AGL: variants seen among roughly 807,000 people sequenced by gnomAD.
AGL encodes amylo-alpha-1,6-glucosidase and 4-alpha-glucanotransferase.
A neutral mutation model predicts 199.3 loss-of-function variants in AGL; 128 were observed. The observed-to-expected ratio is 0.64, with a 90% CI of 0.56 to 0.74. The LOEUF is 0.74. Ranked by LOEUF, AGL falls within the 30% of genes least tolerant of loss-of-function variation. The pLI, the probability that AGL is intolerant of heterozygous loss-of-function variation, is 0.00. For synonymous variants in AGL, 584 were observed against 594.7 expected (o/e 0.98, Z 0.26); for missense variants, 1,809 against 1,820.8 (o/e 0.99, Z 0.12).
intron 33 of AGL, among the ~76,000 whole-genome samples, chr1:99,918,926 C>G (rs1655321650): frequency 6.6e-6 from 1 of 152,178 alleles, no homozygotes; most frequent in South Asian, 2.1e-4. Flanking sequence ...GTTCCTGACG[C>G]TGTATGAGTG....
At chr1:99,910,315 G>T (rs1452932138) in intron 27 of AGL, among the ~76,000 whole-genome samples, 1 of 152,086 alleles carries the variant, frequency 6.6e-6, no homozygotes, top group African/African-American at 2.4e-5. Flanking sequence ...GCTCCATTTT[G>T]ATACATGTAA....
chr1:99,919,864 C>G (rs1655398085), intron 33 of AGL, among the ~76,000 whole-genome samples: 1 of 152,170 alleles, frequency 6.6e-6, no homozygotes, highest in African/African-American at 2.4e-5. Flanking sequence ...TCTAACTACC[C>G]ACTCTGGACC....
chr1:99,908,270 A>C (rs963906863), intron 27 of AGL, among the ~76,000 whole-genome samples: 1 of 151,956 alleles, frequency 6.6e-6, no homozygotes, highest in African/African-American at 2.4e-5. Context: ...AAAAAAATAT[A>C]AACTGTCCCT....
Position 99,913,545 on chromosome 1 carries a change from C to T in AGL, c.3968C>T (p.Ser1323Leu), listed in dbSNP as rs375493401. The T allele has an allele frequency of 3.1e-6, 5 of 1,613,444 alleles. No individual in the cohort carries two copies. The African/African-American group carries it at 6.7e-5, about 22-fold the overall frequency. ...TTTTCAGGAAAGGCTATAAAGGTCTCATATGATGAGTGGAACAGAAAAATA... is the reference window on the plus strand; with the variant it reads ...TTTTCAGGAAAGGCTATAAAGGTCTTATATGATGAGTGGAACAGAAAAATA... ...VKRHGKAIKVSYDEWNRKIQD... is the reference protein window; with the variant it reads ...VKRHGKAIKVLYDEWNRKIQD... The change falls in exon 30 of 34, where the codon TCA (serine) becomes TTA (leucine). Residue 1323 changes from serine (S) to leucine (L), a missense_variant. By Grantham distance (145) the Ser-to-Leu change is moderately radical. Coordinates refer to ENST00000361915, the MANE Select transcript of AGL (RefSeq NM_000642.3).
At chr1:99,906,671 A>G (rs1161804726) in intron 27 of AGL, among the ~76,000 whole-genome samples, 1 of 152,146 alleles carries the variant, frequency 6.6e-6, no homozygotes, top group East Asian at 1.9e-4. Context: ...CACTTAGCAT[A>G]ATGCCAAGGT....
At chr1:99,884,072 G>T in intron 17 of AGL, 48 bp from the exon 18 acceptor site, 1 of 1,515,700 alleles carries the variant, frequency 6.6e-7, no homozygotes, top group Non-Finnish European at 9.1e-7. Flanking sequence ...TCCTAATTTT[G>T]GATGATTCCA....
Position 99,891,589 on chromosome 1 carries a change from A to T in AGL, c.2950-17A>T, listed in dbSNP as rs1652903911. Reference sequence around the variant, plus strand: ...GTACACATACCAAATTAACTTTCAAATTTATTTTAATTACAGGTTGGTAAA... The same window carrying T: ...GTACACATACCAAATTAACTTTCAATTTTATTTTAATTACAGGTTGGTAAA... On this transcript the variant is annotated splice_polypyrimidine_tract_variant and intron_variant, in intron 22 of 33. Coordinates refer to ENST00000361915, the MANE Select transcript of AGL (RefSeq NM_000642.3). 3 of 1,613,262 alleles carry T rather than the reference A, an allele frequency of 1.9e-6. No individual in the cohort carries two copies. The East Asian group carries it at 6.7e-5, about 36-fold the overall frequency.
intron 33 of AGL, among the ~76,000 whole-genome samples, chr1:99,920,724 A>G (rs1307667631): frequency 6.6e-6 from 1 of 152,228 alleles, no homozygotes; most frequent in Non-Finnish European, 1.5e-5. Context: ...TGTATGTAAT[A>G]TAGCCCTGAG....
rs1440105689 is a variant in AGL at position 99,892,431 on chromosome 1, G to A, written c.3084-1G>A. The A allele has an allele frequency of 6.2e-7, 1 of 1,613,234 alleles. No individual in the cohort carries two copies. Among genetic ancestry groups the A allele is most frequent in the Admixed American group, 1.7e-5 (1 of 59,990 alleles). Reference sequence around the variant, plus strand: ...AATAAATTCAATCACTTTTGTTACAGCTTTGTTCAGAATGGTTCAACCTTT... The same window carrying A: ...AATAAATTCAATCACTTTTGTTACAACTTTGTTCAGAATGGTTCAACCTTT... On this transcript the variant is annotated splice_acceptor_variant, in intron 23 of 33. Coordinates refer to ENST00000361915, the MANE Select transcript of AGL (RefSeq NM_000642.3). LOFTEE classifies it high-confidence loss of function.
intron 5 of AGL, among the ~76,000 whole-genome samples, chr1:99,869,861 T>A (rs1369600660): frequency 6.6e-6 from 1 of 152,210 alleles, no homozygotes; most frequent in East Asian, 1.9e-4. Flanking sequence ...GGTTTCACTG[T>A]GTTGCCCAAG....
chr1:99,862,257 A>G lies in AGL; in HGVS notation c.294A>G (p.Gly98=), dbSNP rs746550765. The change falls in exon 4 of 34, where the codon GGA becomes GGG. Residue 98 remains glycine, a splice_region_variant and synonymous_variant. Coordinates refer to ENST00000361915, the MANE Select transcript of AGL (RefSeq NM_000642.3). ...SGSFQYYFLQ[G]NEKSGGGYIV... is the part of the protein sequence containing the mutation. Reference sequence around the variant, plus strand: ...GTTTTTGTTTTGTTTTTTCCCTTAGAAATGAGAAAAGTGGTGGAGGTTACA... The same window carrying G: ...GTTTTTGTTTTGTTTTTTCCCTTAGGAATGAGAAAAGTGGTGGAGGTTACA... The G allele has an allele frequency of 5.6e-6, 9 of 1,613,864 alleles. No homozygotes were observed. In the African/African-American group the frequency reaches 1.1e-4, roughly 19 times the overall value.
intron 2 of AGL, among the ~76,000 whole-genome samples, chr1:99,857,740 G>C (rs1649646229): frequency 1.3e-5 from 1 of 79,450 alleles, no homozygotes; most frequent in Admixed American, 1.4e-4. Flanking sequence ...CAGGGAGGTT[G>C]CAGTGAGCCG....
intron 5 of AGL, among the ~76,000 whole-genome samples, chr1:99,867,814 G>T (rs564677001): frequency 1.3e-3 from 199 of 152,126 alleles, no homozygotes; most frequent in African/African-American, 4.5e-3. Flanking sequence ...GTGAGCCACC[G>T]CACCCGGCCG....
intron 22 of AGL, 105 bp from the exon 23 acceptor site, chr1:99,891,500 CG>C (rs1223778309): frequency 6.6e-6 from 10 of 1,519,372 alleles, no homozygotes; most frequent in Non-Finnish European, 8.2e-6. Context: ...AAATGGAAAT[CG>C]GGTTTATAGA....
chr1:99,857,417 G>C (rs928036352), intron 2 of AGL, among the ~76,000 whole-genome samples: 7 of 152,072 alleles, frequency 4.6e-5, no homozygotes, highest in Non-Finnish European at 1.0e-4. Context: ...GGTGGCGGCC[G>C]GGCAGAGGCT....
rs536141903 is a variant in AGL, at chr1:99,860,645, A to T, written c.83-858A>T. On this transcript the variant is annotated intron_variant, in intron 2 of 33. Coordinates refer to ENST00000361915, the MANE Select transcript of AGL (RefSeq NM_000642.3). ...AAAATAACCTAACTTGGGCAAAAGT[A>T]GAAATGCATTGGCTCTCAGGATTAC... Among the ~76,000 whole-genome samples, 23 of 152,344 alleles carry T rather than the reference A, an allele frequency of 1.5e-4. No individual in the cohort carries two copies. In the South Asian group the frequency reaches 4.8e-3, roughly 32 times the overall value.
rs1336460723 is a variant in AGL, at chr1:99,896,406, GTGT to G, written c.3362+22_3362+24del. The G allele has an allele frequency of 6.4e-7, 1 of 1,555,698 alleles. No individual in the cohort carries two copies. The highest frequency in any genetic ancestry group is 8.9e-7 in the Non-Finnish European group (1 of 1,126,828). ...GAAGCCAGGTAGGAGAGCCTCTAAA[GTGT>G]TGTACTGCGAGTTTATGTCTGAATG... On this transcript the variant is annotated intron_variant, in intron 25 of 33. Coordinates refer to ENST00000361915, the MANE Select transcript of AGL (RefSeq NM_000642.3).
At chr1:99,916,758 C>A in intron 33 of AGL, 27 bp downstream of exon 33, 1 of 1,607,670 alleles carries the variant, frequency 6.2e-7, no homozygotes, top group Admixed American at 1.7e-5. Context: ...ATGTAATTTC[C>A]ATAACTAGTG....
chr1:99,875,157 G>C lies in AGL; in HGVS notation c.1086G>C (p.Lys362Asn). Residue 362 changes from lysine (K) to asparagine (N), a missense_variant, in exon 9 of 34, where the codon AAG becomes AAC. Coordinates refer to ENST00000361915, the MANE Select transcript of AGL (RefSeq NM_000642.3). Reference sequence around the variant, plus strand: ...TGCATTTCTCCATCTGCTCTAGCAAGGGGCCAGCAGCAATTGAAGAATGCT... The same window carrying C: ...TGCATTTCTCCATCTGCTCTAGCAACGGGCCAGCAGCAATTGAAGAATGCT... ...IALTTFIPHDKGPAAIEECCN... is the reference protein window; with the variant it reads ...IALTTFIPHDNGPAAIEECCN... The C allele has an allele frequency of 6.2e-7, 1 of 1,613,456 alleles. No homozygotes were observed. The highest frequency in any genetic ancestry group is 1.7e-5 in the Admixed American group (1 of 60,008).
Sources: gnomAD v4.1 joint callset for allele counts (sites outside exome capture counted in the v4.1 genomes callset) on GRCh38, gnomAD v4.1.1 for gene constraint, MANE v1.5 for transcripts, NCBI Gene and HGNC (gene_info 2026-07-23, HGNC 2026-07-21) for gene names.